Variants in EPB41L5 observed in about 807,000 individuals in gnomAD.
EPB41L5 encodes band 4.1-like protein 5.
EPB41L5 carries 55 observed loss-of-function variants against 106.6 expected under a neutral mutation model. The observed-to-expected ratio is 0.52, with a 90% confidence interval of 0.42 to 0.65. EPB41L5 has a LOEUF of 0.65. Ranked by LOEUF, EPB41L5 falls within the 30% of genes least tolerant of loss-of-function variation. The pLI, the probability that EPB41L5 is intolerant of heterozygous loss-of-function variation, is 0.00. For missense variants in EPB41L5, 871 were observed against 882.1 expected, an observed-to-expected ratio of 0.99 and a Z score of 0.16; for synonymous variants, 297 against 306.7, an observed-to-expected ratio of 0.97 and a Z score of 0.33.
At chr2:120,104,705 A>G in intron 16 of EPB41L5, 1 of 964,444 alleles carries the variant, frequency 1.0e-6, no homozygotes, top group Non-Finnish European at 1.2e-6. Flanking sequence ...CTTATACACT[A>G]TTTTAATATG....
chr2:120,174,689 A>G, intron 24 of EPB41L5, 152 bp from the exon 25 acceptor site: 1 of 667,624 alleles, frequency 1.5e-6, no homozygotes, highest in East Asian at 2.5e-5. Context: ...TCTATGGAAT[A>G]TCTCATTGCC....
chr2:120,137,189 A>G (rs750828566), intron 18 of EPB41L5, among the ~76,000 whole-genome samples: 5 of 152,054 alleles, frequency 3.3e-5, no homozygotes, highest in Non-Finnish European at 7.4e-5. Context: ...GAAACAAAAC[A>G]TACTAAAATC....
intron 2 of EPB41L5, among the ~76,000 whole-genome samples, chr2:120,027,117 A>G (rs1177838477): frequency 6.6e-6 from 1 of 152,238 alleles, no homozygotes; most frequent in Non-Finnish European, 1.5e-5. Flanking sequence ...GGAATGTAAA[A>G]TGGCGCAGCT....
chr2:120,134,818 A>G (rs1045728116), intron 18 of EPB41L5, among the ~76,000 whole-genome samples: 1 of 152,148 alleles, frequency 6.6e-6, no homozygotes, highest in African/African-American at 2.4e-5. Flanking sequence ...AATAACTACA[A>G]CGGCTTCTTA....
At chr2:120,034,977 T>G (rs1188732982) in intron 2 of EPB41L5, among the ~76,000 whole-genome samples, 1 of 152,242 alleles carries the variant, frequency 6.6e-6, no homozygotes, top group Non-Finnish European at 1.5e-5. Context: ...CCTTTTCCAT[T>G]GTGTTGCTAG....
intron 24 of EPB41L5, 86 bp downstream of exon 24, chr2:120,168,093 T>C (rs1005820580): frequency 7.0e-5 from 100 of 1,431,854 alleles, no homozygotes; most frequent in Non-Finnish European, 8.9e-5. Flanking sequence ...AAAGCAGCAA[T>C]GTCAATTCTT....
intron 20 of EPB41L5, among the ~76,000 whole-genome samples, chr2:120,146,534 AAAGAT>A (rs1686412673): frequency 1.3e-5 from 2 of 152,204 alleles, no homozygotes; most frequent in Non-Finnish European, 1.5e-5. Flanking sequence ...AAACCGTCTT[AAAGAT>A]ATGTGTGATC....
chr2:120,131,939 A>T (rs1011773010), intron 18 of EPB41L5, among the ~76,000 whole-genome samples: 12 of 134,744 alleles, frequency 8.9e-5, no homozygotes, highest in Non-Finnish European at 1.6e-4. Context: ...TTCATGATTT[A>T]AAAAAAAAAA....
chr2:120,103,914 C>G (rs1438922985), intron 16 of EPB41L5: 12 of 851,374 alleles, frequency 1.4e-5, no homozygotes, highest in African/African-American at 1.8e-5. Context: ...TGAATGTTAT[C>G]ATTGCATGGA....
At chr2:120,105,555 G>A in intron 16 of EPB41L5, 1 of 985,114 alleles carries the variant, frequency 1.0e-6, no homozygotes. Flanking sequence ...AAGCAGAACT[G>A]ACTAATATTT....
intron 3 of EPB41L5, among the ~76,000 whole-genome samples, chr2:120,048,491 G>A (rs1287355468): frequency 6.6e-6 from 1 of 151,918 alleles, no homozygotes; most frequent in East Asian, 1.9e-4. Context: ...TATTTCTGTG[G>A]GATCAGTGGT....
chr2:120,095,511 T>G (rs1376841812), intron 14 of EPB41L5, among the ~76,000 whole-genome samples: 3 of 152,060 alleles, frequency 2.0e-5, no homozygotes, highest in Admixed American at 1.3e-4. Flanking sequence ...TTTTTTTTTT[T>G]TAGACTACAT....
At chr2:120,038,978 A>G (rs771687606) in intron 2 of EPB41L5, among the ~76,000 whole-genome samples, 53 of 152,182 alleles carry the variant, frequency 3.5e-4, no homozygotes, top group Non-Finnish European at 5.9e-4. Flanking sequence ...GCAATGGAAT[A>G]TTTTTCAGCT....
intron 2 of EPB41L5, among the ~76,000 whole-genome samples, chr2:120,031,166 G>T (rs1678682000): frequency 6.6e-6 from 1 of 152,220 alleles, no homozygotes; most frequent in Non-Finnish European, 1.5e-5. Flanking sequence ...ACCACGCCCA[G>T]CCCCAGCCTC....
At position 120,177,524 on chromosome 2, in the gene EPB41L5, C is replaced by T. The variant is rs528849803; in HGVS notation, c.*2617C>T. On this transcript the variant is annotated 3_prime_UTR_variant, in exon 25 of 25. Coordinates refer to ENST00000263713, the MANE Select transcript of EPB41L5 (RefSeq NM_020909.4). ...GTTGACAGGATGGTTTAAAATAAGA[C>T]GTGAAGGTTTCAGTTACCTGCTCTA... is the stretch of plus-strand genomic sequence containing the variant. 2.6e-5 allele frequency: 4 copies of T among 152,216 alleles called. No individual in the cohort carries two copies. The highest frequency in any genetic ancestry group is 2.9e-5 in the Non-Finnish European group (2 of 68,006). The allele number at this position is 152,216 out of a possible 1,614,324, so 9.4% of individuals were successfully genotyped here.
At chr2:120,154,285 A>T (rs1272025180) in intron 20 of EPB41L5, among the ~76,000 whole-genome samples, 5 of 151,500 alleles carry the variant, frequency 3.3e-5, no homozygotes, top group African/African-American at 1.2e-4. Context: ...CAGCCTCCCG[A>T]GTAGTTGAGA....
intron 1 of EPB41L5, among the ~76,000 whole-genome samples, chr2:120,016,430 A>G (rs1301931735): frequency 6.7e-6 from 1 of 149,944 alleles, no homozygotes; most frequent in Non-Finnish European, 1.5e-5. Context: ...GACTGTCTCA[A>G]AAAAAAAAAG....
chr2:120,013,270 G>A (rs1472106137), intron 1 of EPB41L5, 60 bp downstream of exon 1: 1 of 152,258 alleles, frequency 6.6e-6, no homozygotes, highest in African/African-American at 2.4e-5. Flanking sequence ...TAGCCGAGTG[G>A]ACCCTTCCTC....
intron 14 of EPB41L5, among the ~76,000 whole-genome samples, chr2:120,097,128 G>T (rs890500240): frequency 7.9e-5 from 12 of 152,272 alleles, no homozygotes; most frequent in Admixed American, 1.3e-4. Context: ...CTAAATGTTG[G>T]TGTCTCTTCA....
Sources: allele counts gnomAD v4.1 joint callset (sites outside exome capture counted in the v4.1 genomes callset), GRCh38; gene constraint gnomAD v4.1.1; transcripts MANE v1.5; gene names NCBI Gene and HGNC (gene_info 2026-07-23, HGNC 2026-07-21).